SYT1: variants seen among roughly 807,000 people sequenced by gnomAD.
SYT1 encodes the protein synaptotagmin-1.
In SYT1, 8 loss-of-function variants were observed where a neutral mutation model predicts 44.8. That is an observed-to-expected ratio of 0.18 (90% CI 0.10 to 0.32). The LOEUF (loss-of-function observed/expected upper bound fraction) is 0.32. Among genes scored for constraint, SYT1 ranks in the 10% least tolerant of loss-of-function variants. SYT1 has a pLI of 1.00. For missense variants in SYT1, 286 were observed against 509.3 expected, an observed-to-expected ratio of 0.56 and a Z score of 4.22; for synonymous variants, 154 against 188.8, an observed-to-expected ratio of 0.82 and a Z score of 1.51.
intron 3 of SYT1, among the ~76,000 whole-genome samples, chr12:79,145,043 G>A (rs4578463): frequency 0.086 from 13,079 of 152,084 alleles, 672 homozygotes; most frequent in African/African-American, 0.14. Flanking sequence ...TACCTGTATA[G>A]AAAATAAAGA....
At chr12:79,080,692 C>A (rs569429345) in intron 3 of SYT1, among the ~76,000 whole-genome samples, 5 of 152,164 alleles carry the variant, frequency 3.3e-5, no homozygotes, top group African/African-American at 1.2e-4. Context: ...GCAATTACAC[C>A]AGACAATTTT....
chr12:78,944,399 T>G (rs1878547534), intron 1 of SYT1, among the ~76,000 whole-genome samples: 1 of 151,940 alleles, frequency 6.6e-6, no homozygotes, highest in Non-Finnish European at 1.5e-5. Context: ...TAGTTTCTAT[T>G]TAAAAAGTGG....
intron 3 of SYT1, among the ~76,000 whole-genome samples, chr12:79,173,309 A>C (rs1871661688): frequency 6.6e-6 from 1 of 152,040 alleles, no homozygotes; most frequent in Non-Finnish European, 1.5e-5. Flanking sequence ...GCAGCCTCTT[A>C]GGAGGTAGGC....
chr12:79,068,664 T>C (rs1876045056), intron 3 of SYT1, among the ~76,000 whole-genome samples: 1 of 152,138 alleles, frequency 6.6e-6, no homozygotes, highest in Non-Finnish European at 1.5e-5. Flanking sequence ...CCTCCTACTC[T>C]ATTCCAAACA....
At chr12:79,428,831 T>C (rs879566968) in intron 9 of SYT1, among the ~76,000 whole-genome samples, 3 of 152,112 alleles carry the variant, frequency 2.0e-5, no homozygotes, top group Non-Finnish European at 2.9e-5. Flanking sequence ...AGAAAAGTGG[T>C]TTATTTGGCT....
intron 2 of SYT1, among the ~76,000 whole-genome samples, chr12:79,030,951 T>G (rs1872791980): frequency 6.6e-6 from 1 of 150,940 alleles, no homozygotes; most frequent in Non-Finnish European, 1.5e-5. Context: ...GTTATAGTAT[T>G]CTCCAATCCT....
chr12:79,154,892 C>G (rs1870501811), intron 3 of SYT1, among the ~76,000 whole-genome samples: 1 of 152,042 alleles, frequency 6.6e-6, no homozygotes, highest in East Asian at 1.9e-4. Flanking sequence ...CTTAGAGGTG[C>G]TTATTACTGA....
intron 1 of SYT1, among the ~76,000 whole-genome samples, chr12:78,873,421 T>A (rs1873920840): frequency 6.6e-6 from 1 of 151,750 alleles, no homozygotes; most frequent in East Asian, 1.9e-4. Flanking sequence ...GCAAAATAAA[T>A]TGAGTTTGTG....
intron 3 of SYT1, among the ~76,000 whole-genome samples, chr12:79,141,275 A>G (rs770544623): frequency 6.6e-5 from 10 of 152,132 alleles, no homozygotes; most frequent in African/African-American, 9.7e-5. Context: ...TTTCCTAATT[A>G]AACCTAAGGA....
chr12:79,013,612 C>T (rs1871569563), intron 2 of SYT1, among the ~76,000 whole-genome samples: 2 of 152,116 alleles, frequency 1.3e-5, no homozygotes, highest in African/African-American at 4.8e-5. Flanking sequence ...GCGTTTTTTC[C>T]TCTATAACAC....
At chr12:78,898,611 ATTG>A (rs943038282) in intron 1 of SYT1, among the ~76,000 whole-genome samples, 4 of 152,110 alleles carry the variant, frequency 2.6e-5, no homozygotes, top group Non-Finnish European at 5.9e-5. Flanking sequence ...AGAATTCATG[ATTG>A]TTTTTTCCCC....
chr12:78,918,751 G>A (rs117360948), intron 1 of SYT1, among the ~76,000 whole-genome samples: 6,519 of 152,018 alleles, frequency 0.043, 183 homozygotes, highest in South Asian at 0.084. Context: ...GGTAGAAAAA[G>A]GATACGTCCT....
intron 9 of SYT1, among the ~76,000 whole-genome samples, chr12:79,358,445 C>T (rs1883194853): frequency 6.6e-6 from 1 of 152,022 alleles, no homozygotes; most frequent in African/African-American, 2.4e-5. Flanking sequence ...CTCATGATAG[C>T]CCTGTGAGAT....
At chr12:79,397,532 A>G (rs1884917179) in intron 9 of SYT1, among the ~76,000 whole-genome samples, 1 of 152,120 alleles carries the variant, frequency 6.6e-6, no homozygotes, top group East Asian at 1.9e-4. Context: ...GTGGCCCATC[A>G]GAGGTTTTTA....
At chr12:79,310,001 G>A (rs1385357857) in intron 8 of SYT1, among the ~76,000 whole-genome samples, 2 of 152,118 alleles carry the variant, frequency 1.3e-5, no homozygotes, top group Non-Finnish European at 2.9e-5. Context: ...CTTTTGCTGT[G>A]CAGAAGCTCT....
At chr12:79,180,033 A>G (rs779127346) in intron 3 of SYT1, among the ~76,000 whole-genome samples, 1 of 151,904 alleles carries the variant, frequency 6.6e-6, no homozygotes, top group Non-Finnish European at 1.5e-5. Flanking sequence ...TGTGCATGTT[A>G]TTTTATATTC....
intron 9 of SYT1, among the ~76,000 whole-genome samples, chr12:79,433,121 C>T (rs1348950208): frequency 1.3e-5 from 2 of 152,176 alleles, no homozygotes; most frequent in Non-Finnish European, 2.9e-5. Context: ...TCAGTCCATA[C>T]ACTGCCTAAT....
chr12:79,044,098 A>G (rs1207010292), intron 2 of SYT1, among the ~76,000 whole-genome samples: 1 of 151,694 alleles, frequency 6.6e-6, no homozygotes, highest in Non-Finnish European at 1.5e-5. Flanking sequence ...TCTGACAATT[A>G]TGTGTCTTGG....
chr12:79,293,865 G>T (rs1191284223), intron 6 of SYT1, among the ~76,000 whole-genome samples: 1 of 152,126 alleles, frequency 6.6e-6, no homozygotes, highest in Non-Finnish European at 1.5e-5. Context: ...CAGGTTTGTA[G>T]TTATACCATT....
Sources: allele counts gnomAD v4.1 joint callset (sites outside exome capture counted in the v4.1 genomes callset), GRCh38; gene constraint gnomAD v4.1.1; transcripts MANE v1.5; gene names NCBI Gene and HGNC (gene_info 2026-07-23, HGNC 2026-07-21).